MAP3K20: variants seen among roughly 807,000 people sequenced by gnomAD.
The protein encoded by MAP3K20 is mitogen-activated protein kinase kinase kinase 20, also known as HCCS-4.
A neutral mutation model predicts 85.7 loss-of-function variants in MAP3K20; 40 were observed. The observed-to-expected ratio is 0.47, with a 90% CI of 0.36 to 0.61. The LOEUF (loss-of-function observed/expected upper bound fraction) is 0.61. Among genes scored for constraint, MAP3K20 ranks in the 20% least tolerant of loss-of-function variants. MAP3K20 has a pLI of 0.00. For synonymous variants in MAP3K20, 325 were observed against 327.7 expected (o/e 0.99, Z 0.09); for missense variants, 817 against 961.7 (o/e 0.85, Z 1.99).
chr2:173,197,060 T>C (rs1003365286), intron 7 of MAP3K20, among the ~76,000 whole-genome samples: 8 of 152,184 alleles, frequency 5.3e-5, no homozygotes, highest in African/African-American at 1.9e-4. Flanking sequence ...AAAGGGCATC[T>C]GGAATATAAT....
In MAP3K20 at chr2:173,159,399, CTTCT is replaced by C. The variant is rs1158219671; in HGVS notation, c.160-10403_160-10400del. On this transcript the variant is annotated intron_variant, in intron 2 of 19. Coordinates refer to ENST00000375213, the MANE Select transcript of MAP3K20 (RefSeq NM_016653.3). Reference sequence around the variant, plus strand: ...TCCTTTTCTTTTCTTTCCTTCCTTCCTTCTTTTTTTTTTTTCCTGGATCTTTGTT... The same window carrying C: ...TCCTTTTCTTTTCTTTCCTTCCTTCCTTTTTTTTTTTCCTGGATCTTTGTT... 1.1e-4 allele frequency among the ~76,000 whole-genome samples: 7 copies of C among 60,902 alleles called. No individual in the cohort carries two copies. The Admixed American group carries it at 1.2e-3, about 10-fold the overall frequency. The allele number at this position is 60,902 out of a possible 152,430, so 40.0% of individuals were successfully genotyped here. A position where few individuals can be genotyped will look rare whatever the true frequency, so the allele number is the denominator to read the frequency against.
chr2:173,117,008 T>C (rs1559237900), intron 2 of MAP3K20, among the ~76,000 whole-genome samples: 1 of 152,224 alleles, frequency 6.6e-6, no homozygotes, highest in Non-Finnish European at 1.5e-5. Context: ...TGATGGGGAC[T>C]TCATTGGTGA....
intron 2 of MAP3K20, among the ~76,000 whole-genome samples, chr2:173,092,777 TCACTC>T: frequency 6.6e-6 from 1 of 152,174 alleles, no homozygotes; most frequent in Non-Finnish European, 1.5e-5. Context: ...TGTAACCCGT[TCACTC>T]CACTCCCCCC....
intron 2 of MAP3K20, among the ~76,000 whole-genome samples, chr2:173,135,168 T>C (rs1359975678): frequency 6.6e-6 from 1 of 152,208 alleles, no homozygotes; most frequent in Non-Finnish European, 1.5e-5. Context: ...GAAAAAAAGT[T>C]TCCGTATACA....
intron 19 of MAP3K20, among the ~76,000 whole-genome samples, chr2:173,265,639 G>A (rs1685402255): frequency 6.6e-6 from 1 of 152,144 alleles, no homozygotes; most frequent in African/African-American, 2.4e-5. Context: ...ATACTTTCTA[G>A]AAGTAACAAC....
intron 2 of MAP3K20, among the ~76,000 whole-genome samples, chr2:173,164,113 C>T (rs1299971610): frequency 6.6e-6 from 1 of 152,116 alleles, no homozygotes; most frequent in African/African-American, 2.4e-5. Flanking sequence ...GTGTGTGCCA[C>T]CATGCCCAGC....
Position 173,213,081 on chromosome 2 carries a change from CAGAGA to C in MAP3K20, c.851+3248_851+3252del, listed in dbSNP as rs1683961651. On this transcript the variant is annotated intron_variant, in intron 10 of 19. Coordinates refer to ENST00000375213, the MANE Select transcript of MAP3K20 (RefSeq NM_016653.3). ...ATATATATTATTGTGTATATGTACA[CAGAGA>C]AAAGTATCAAAAAGTCAGTGTTATC... Among the ~76,000 whole-genome samples the C allele has an allele frequency of 8.5e-5, 13 of 152,052 alleles. No individual in the cohort carries two copies. In the South Asian group the frequency reaches 2.5e-3, roughly 29 times the overall value.
chr2:173,110,194 G>T (rs1489581202), intron 2 of MAP3K20, among the ~76,000 whole-genome samples: 20 of 58,206 alleles, frequency 3.4e-4, no homozygotes, highest in East Asian at 8.7e-4. Context: ...TATAATATAT[G>T]TTATACATAT....
intron 11 of MAP3K20, chr2:173,223,742 G>A: frequency 1.0e-6 from 1 of 985,416 alleles, no homozygotes; most frequent in Non-Finnish European, 1.2e-6. Flanking sequence ...CATGCTACTA[G>A]TTTCTCTGTC....
chr2:173,252,814 A>G (rs1685068881), intron 16 of MAP3K20, among the ~76,000 whole-genome samples: 1 of 152,158 alleles, frequency 6.6e-6, no homozygotes, highest in Admixed American at 6.5e-5. Context: ...CATCCAAGAT[A>G]ATGCTCTCTG....
chr2:173,247,343 T>G (rs1428933499), intron 16 of MAP3K20, among the ~76,000 whole-genome samples: 1 of 152,164 alleles, frequency 6.6e-6, no homozygotes, highest in Non-Finnish European at 1.5e-5. Flanking sequence ...GGGCTTTTTT[T>G]TTTCCCTATT....
intron 2 of MAP3K20, among the ~76,000 whole-genome samples, chr2:173,120,148 A>G (rs191869649): frequency 1.4e-3 from 220 of 152,294 alleles, no homozygotes; most frequent in African/African-American, 5.1e-3. Flanking sequence ...GCTATAGTCC[A>G]CATTTCTGTA....
chr2:173,124,903 A>G (rs916055831), intron 2 of MAP3K20, among the ~76,000 whole-genome samples: 1 of 152,230 alleles, frequency 6.6e-6, no homozygotes, highest in African/African-American at 2.4e-5. Context: ...CAGGAGGATC[A>G]CTTGATCCCA....
intron 2 of MAP3K20, among the ~76,000 whole-genome samples, chr2:173,156,356 C>A (rs989159749): frequency 1.3e-5 from 2 of 152,054 alleles, no homozygotes; most frequent in African/African-American, 4.8e-5. Flanking sequence ...CCTGGTCAAC[C>A]GAAGAGCTGA....
intron 2 of MAP3K20, among the ~76,000 whole-genome samples, chr2:173,136,402 AT>A (rs1279209932): frequency 6.6e-6 from 1 of 152,232 alleles, no homozygotes; most frequent in African/African-American, 2.4e-5. Flanking sequence ...AAACATGAAA[AT>A]TAGAATTCTT....
intron 3 of MAP3K20, among the ~76,000 whole-genome samples, chr2:173,172,404 G>T (rs1442886981): frequency 6.6e-6 from 1 of 151,952 alleles, no homozygotes; most frequent in Admixed American, 6.6e-5. Context: ...TTGAAAGAAT[G>T]ATTTATTAGA....
At chr2:173,149,515 T>TAA (rs11404639) in intron 2 of MAP3K20, among the ~76,000 whole-genome samples, 23 of 151,758 alleles carry the variant, frequency 1.5e-4, no homozygotes, top group African/African-American at 4.4e-4. Flanking sequence ...TATTTTTTTT[T>TAA]AAAAAAAACC....
intron 2 of MAP3K20, among the ~76,000 whole-genome samples, chr2:173,106,307 A>G (rs924543116): frequency 1.1e-4 from 16 of 152,252 alleles, no homozygotes; most frequent in African/African-American, 3.9e-4. Context: ...CCATAAAGCT[A>G]CAGTAGTCAA....
chr2:173,262,957 CTCTTTT>C (rs1685330646), intron 18 of MAP3K20, among the ~76,000 whole-genome samples: 1 of 152,324 alleles, frequency 6.6e-6, no homozygotes, highest in Non-Finnish European at 1.5e-5. Context: ...ACACCCAGTT[CTCTTTT>C]TCTTCTTCTC....
Sources: gnomAD v4.1 joint callset for allele counts (sites outside exome capture counted in the v4.1 genomes callset) on GRCh38, gnomAD v4.1.1 for gene constraint, MANE v1.5 for transcripts, NCBI Gene and HGNC (gene_info 2026-07-23, HGNC 2026-07-21) for gene names.